GALNT10: variants seen among roughly 807,000 people sequenced by gnomAD.
GALNT10 encodes the protein polypeptide N-acetylgalactosaminyltransferase 10, also known as GalNAc transferase 10.
GALNT10 carries 41 observed loss-of-function variants against 75.0 expected under a neutral mutation model. The observed-to-expected ratio is 0.55, with a 90% confidence interval of 0.43 to 0.71. GALNT10 has a LOEUF of 0.71. Among genes scored for constraint, GALNT10 ranks in the 30% least tolerant of loss-of-function variants. The pLI, the probability that GALNT10 is intolerant of heterozygous loss-of-function variation, is 0.00. For synonymous variants in GALNT10, 302 were observed against 313.0 expected (o/e 0.96, Z 0.37); for missense variants, 727 against 818.5 (o/e 0.89, Z 1.36).
chr5:154,389,522 C>A (rs1410244154), intron 7 of GALNT10: 4 of 149,690 alleles, frequency 2.7e-5, no homozygotes, highest in African/African-American at 9.8e-5. Flanking sequence ...GCAGAGGTTG[C>A]AGTGAGCCGA....
chr5:154,218,210 C>T, intron 1 of GALNT10: 1 of 816,722 alleles, frequency 1.2e-6, no homozygotes, highest in African/African-American at 1.8e-5. Context: ...TCATGGGTCC[C>T]TCTCTCATTT....
chr5:154,333,799 G>A (rs959263880), intron 4 of GALNT10, among the ~76,000 whole-genome samples: 2 of 152,190 alleles, frequency 1.3e-5, no homozygotes, highest in Non-Finnish European at 2.9e-5. Context: ...ACCCAGCCCA[G>A]AGGAGGACTC....
intron 3 of GALNT10, among the ~76,000 whole-genome samples, chr5:154,325,206 A>T (rs1449116040): frequency 6.6e-6 from 1 of 152,224 alleles, no homozygotes; most frequent in Non-Finnish European, 1.5e-5. Flanking sequence ...CAAGTGACTT[A>T]AAAACATAAA....
intron 1 of GALNT10, among the ~76,000 whole-genome samples, chr5:154,196,005 C>A (rs1181745695): frequency 6.6e-6 from 1 of 152,150 alleles, no homozygotes; most frequent in Non-Finnish European, 1.5e-5. Context: ...CCATCGCAAC[C>A]TCCACCTCCC....
chr5:154,288,881 C>T (rs1173314129), intron 1 of GALNT10, among the ~76,000 whole-genome samples: 3 of 152,144 alleles, frequency 2.0e-5, no homozygotes, highest in African/African-American at 4.8e-5. Context: ...GGTCTTGTGG[C>T]ATTTGTTTCT....
chr5:154,416,201 A>AG lies in GALNT10; in HGVS notation c.1653+271dup, dbSNP rs1396333651. 2.6e-5 allele frequency among the ~76,000 whole-genome samples: 4 copies of AG among 152,144 alleles called. No homozygotes were observed. In the East Asian group the frequency reaches 7.7e-4, roughly 29 times the overall value. On this transcript the variant is annotated intron_variant, in intron 11 of 11. Coordinates refer to ENST00000297107, the MANE Select transcript of GALNT10 (RefSeq NM_198321.4). This position sits in a 1 kb window ranked among gnomAD's most constrained non-coding sequence, Gnocchi z 4.5. Reference sequence around the variant, plus strand: ...ATGCCTGTAATCCCAGCACTTTGGGAGGCTGAGGTGGGTGGATCACCTGAG... The same window carrying AG: ...ATGCCTGTAATCCCAGCACTTTGGGAGGGCTGAGGTGGGTGGATCACCTGAG...
chr5:154,249,126 C>T (rs1428353268), intron 1 of GALNT10, among the ~76,000 whole-genome samples: 2 of 152,248 alleles, frequency 1.3e-5, no homozygotes, highest in African/African-American at 4.8e-5. Flanking sequence ...CTTTAAGTTC[C>T]TGGGCTTGCC....
chr5:154,273,226 A>G (rs1432768386), intron 1 of GALNT10, among the ~76,000 whole-genome samples: 1 of 152,190 alleles, frequency 6.6e-6, no homozygotes. Context: ...CTTCCTGTCT[A>G]GTGGCCCAGT....
At chr5:154,191,526 A>G (rs1287077789) in intron 1 of GALNT10, among the ~76,000 whole-genome samples, 2 of 138,392 alleles carry the variant, frequency 1.4e-5, no homozygotes, top group African/African-American at 5.3e-5. Flanking sequence ...CCAACGAGAC[A>G]CCCGGGCCTT....
intron 5 of GALNT10, among the ~76,000 whole-genome samples, chr5:154,378,035 A>C (rs1184357817): frequency 6.6e-6 from 1 of 152,198 alleles, no homozygotes; most frequent in African/African-American, 2.4e-5. Context: ...CAGTTTTCAT[A>C]ATCTGCAGAC....
intron 1 of GALNT10, among the ~76,000 whole-genome samples, chr5:154,199,690 T>C (rs1164673833): frequency 1.3e-5 from 2 of 152,110 alleles, no homozygotes; most frequent in Non-Finnish European, 2.9e-5. Context: ...TACGTGGGTG[T>C]TGGGCTGAAC....
chr5:154,416,808 T>C lies in GALNT10; in HGVS notation c.1654-6T>C. On this transcript the variant is annotated splice_region_variant and splice_polypyrimidine_tract_variant and intron_variant, in intron 11 of 11. Coordinates refer to ENST00000297107, the MANE Select transcript of GALNT10 (RefSeq NM_198321.4). The surrounding 1 kb of genome is among the most constrained non-coding windows in gnomAD (Gnocchi z 4.5). ...CTGTCTGGCTTATTACCTCCATGTT[T>C]TGTAGGACAAGACCCTGTACCACCC... is the stretch of plus-strand genomic sequence containing the variant. 4 of 1,610,604 alleles carry C rather than the reference T, an allele frequency of 2.5e-6. No individual in the cohort carries two copies. The highest frequency in any genetic ancestry group is 3.4e-6 in the Non-Finnish European group (4 of 1,176,842).
intron 1 of GALNT10, among the ~76,000 whole-genome samples, chr5:154,196,959 C>T (rs557858600): frequency 6.6e-6 from 1 of 152,284 alleles, no homozygotes; most frequent in East Asian, 1.9e-4. Flanking sequence ...GTGTTCCAGG[C>T]AGTAATCACT....
At chr5:154,380,366 C>T in intron 5 of GALNT10, 82 bp from the exon 6 acceptor site, 2 of 1,095,458 alleles carry the variant, frequency 1.8e-6, no homozygotes, top group Non-Finnish European at 2.7e-6. Context: ...GTTAAAAATA[C>T]AAGTAAGCTG....
chr5:154,196,060 A>G (rs1561625150), intron 1 of GALNT10, among the ~76,000 whole-genome samples: 2 of 151,962 alleles, frequency 1.3e-5, no homozygotes, highest in Non-Finnish European at 2.9e-5. Flanking sequence ...AGTAGCTGGG[A>G]TTATAGGCAT....
At chr5:154,244,838 T>C (rs1581935876) in intron 1 of GALNT10, among the ~76,000 whole-genome samples, 2 of 152,188 alleles carry the variant, frequency 1.3e-5, no homozygotes, top group African/African-American at 4.8e-5. Flanking sequence ...CAAATGGAGG[T>C]TGGGACTTTC....
intron 1 of GALNT10, among the ~76,000 whole-genome samples, chr5:154,264,004 A>G (rs1419964328): frequency 6.6e-6 from 1 of 152,152 alleles, no homozygotes; most frequent in Non-Finnish European, 1.5e-5. Context: ...ATTTTGTGTT[A>G]TGTGATTTAT....
intron 4 of GALNT10, among the ~76,000 whole-genome samples, chr5:154,374,009 G>A (rs1440722660): frequency 6.6e-6 from 1 of 152,134 alleles, no homozygotes; most frequent in East Asian, 1.9e-4. Context: ...CCTATCAGTT[G>A]AACCCAGCCA....
At position 154,190,865 on chromosome 5, in the gene GALNT10, C is replaced by G. The variant is rs1038038949; in HGVS notation, c.-2C>G. 38 of 1,359,260 alleles carry G rather than the reference C, an allele frequency of 2.8e-5. No individual in the cohort carries two copies. Among genetic ancestry groups the G allele is most frequent in the African/African-American group, 1.4e-4 (9 of 66,372 alleles). 84.2% of individuals were successfully genotyped at this position (1,359,260 alleles called of 1,614,324 possible). A position where few individuals can be genotyped will look rare whatever the true frequency, so the allele number is the denominator to read the frequency against. ...GGGGCGCGGCGGGGCTGACCGGCCC[C>G]GATGAGGCGGAAGGAGAAGCGGCTC... On this transcript the variant is annotated 5_prime_UTR_variant, in exon 1 of 12. Transcript: ENST00000297107.
Sources: allele counts gnomAD v4.1 joint callset (sites outside exome capture counted in the v4.1 genomes callset), GRCh38; gene constraint gnomAD v4.1.1; non-coding constraint Gnocchi (gnomAD v3.1); transcripts MANE v1.5; gene names NCBI Gene and HGNC (gene_info 2026-07-23, HGNC 2026-07-21).